The following PCDHGB4 variants were observed in gnomAD, a reference collection of about 807,000 sequenced individuals.
PCDHGB4 encodes the protein protocadherin gamma subfamily B, 4.
A neutral mutation model predicts 60.5 loss-of-function variants in PCDHGB4; 38 were observed. The observed-to-expected ratio is 0.63, with a 90% CI of 0.48 to 0.82. PCDHGB4 has a LOEUF of 0.82. Among genes scored for constraint, PCDHGB4 ranks in the 40% least tolerant of loss-of-function variants. The pLI, the probability that PCDHGB4 is intolerant of heterozygous loss-of-function variation, is 0.00. For missense variants in PCDHGB4, 1,109 were observed against 1,209.6 expected (o/e 0.92, Z 1.23); for synonymous variants, 456 against 509.7 (o/e 0.89, Z 1.42).
At chr5:141,501,016 G>A (rs1042009106) in intron 2 of PCDHGB4, among the ~76,000 whole-genome samples, 7 of 151,716 alleles carry the variant, frequency 4.6e-5, no homozygotes, top group Non-Finnish European at 1.0e-4. Context: ...CTACAGGCAC[G>A]CGCCACCACG....
rs767547572 is a variant in PCDHGB4 at position 141,505,495 on chromosome 5, G to C, written c.2545+14G>C. On this transcript the variant is annotated intron_variant, in intron 3 of 3. Coordinates refer to ENST00000519479, the MANE Select transcript of PCDHGB4 (RefSeq NM_003736.4). The stretch of plus-strand genomic sequence containing the variant: ...CGTCCGCCAGTGGTAAGTGGTGTCA[G>C]TGTGTGTATGGAAGAGTGGGAGACC... 5 of 1,614,210 alleles carry C rather than the reference G, an allele frequency of 3.1e-6. No individual in the cohort carries two copies. Among genetic ancestry groups the C allele is most frequent in the Non-Finnish European group, 4.2e-6 (5 of 1,180,000 alleles).
At chr5:141,423,367 G>A (rs1478466218) in intron 1 of PCDHGB4, 2 of 1,614,068 alleles carry the variant, frequency 1.2e-6, no homozygotes, top group Admixed American at 1.7e-5. Context: ...CGTGCTGCTG[G>A]CACTCAGGCT....
At chr5:141,501,333 A>C (rs200092587) in intron 2 of PCDHGB4, among the ~76,000 whole-genome samples, 397 of 140,104 alleles carry the variant, frequency 2.8e-3, no homozygotes, top group Non-Finnish European at 2.6e-3. Flanking sequence ...ACACACACAC[A>C]CCCCAAACTC....
chr5:141,474,499 C>T (rs1480109147), intron 1 of PCDHGB4, among the ~76,000 whole-genome samples: 1 of 152,198 alleles, frequency 6.6e-6, no homozygotes, highest in Non-Finnish European at 1.5e-5. Context: ...TCTTCTAATG[C>T]CTATCAGCCC....
chr5:141,407,924 C>T, intron 1 of PCDHGB4: 2 of 482,212 alleles, frequency 4.1e-6, no homozygotes, highest in Non-Finnish European at 3.6e-6. Flanking sequence ...CTGTCCCGCA[C>T]GGAGCCTCTG....
chr5:141,409,735 C>G lies in PCDHGB4; in HGVS notation c.2397+19454C>G, dbSNP rs763035733. Reference sequence around the variant, plus strand: ...CATACGTGTCAGTGAGCGCGCAGAGCGGGGTGGTGTTCGCGCAGCGCGCCT... The same window carrying G: ...CATACGTGTCAGTGAGCGCGCAGAGGGGGGTGGTGTTCGCGCAGCGCGCCT... On this transcript the variant is annotated intron_variant, in intron 1 of 3. Transcript: ENST00000519479. The G allele has an allele frequency of 3.7e-6, 6 of 1,613,006 alleles. No homozygotes were observed. The African/African-American group carries it at 8.0e-5, about 22-fold the overall frequency.
In PCDHGB4 at chr5:141,494,748, C is replaced by T. The variant is rs566281527; in HGVS notation, c.2398-59C>T. On this transcript the variant is annotated intron_variant, in intron 1 of 3. Coordinates refer to ENST00000519479, the MANE Select transcript of PCDHGB4 (RefSeq NM_003736.4). ...CTCTCCCGGCCCATCCCTAGGGGCTCGGGTGACATTCTAACTTCTCACGGG... is the reference window on the plus strand; with the variant it reads ...CTCTCCCGGCCCATCCCTAGGGGCTTGGGTGACATTCTAACTTCTCACGGG... 1.4e-5 allele frequency: 22 copies of T among 1,613,104 alleles called. No individual in the cohort carries two copies. The East Asian group carries it at 4.2e-4, about 31-fold the overall frequency.
intron 1 of PCDHGB4, among the ~76,000 whole-genome samples, chr5:141,457,628 C>T (rs1210673176): frequency 6.6e-6 from 1 of 152,244 alleles, no homozygotes; most frequent in Non-Finnish European, 1.5e-5. Context: ...TAATCTTATA[C>T]TTGGCCTGAT....
At chr5:141,408,557 G>A in intron 1 of PCDHGB4, 6 of 1,614,046 alleles carry the variant, frequency 3.7e-6, no homozygotes, top group Non-Finnish European at 5.1e-6. Flanking sequence ...TATTTTTCAT[G>A]TCATTGTGGT....
intron 1 of PCDHGB4, chr5:141,392,984 G>A: frequency 1.2e-6 from 2 of 1,613,914 alleles, no homozygotes; most frequent in Non-Finnish European, 1.7e-6. Context: ...TGGACCCCCG[G>A]AAGCTGGCGA....
chr5:141,408,863 C>T, intron 1 of PCDHGB4: 1 of 1,613,604 alleles, frequency 6.2e-7, no homozygotes, highest in Non-Finnish European at 8.5e-7. Context: ...AGGGGACCCA[C>T]CAAGAAGTGC....
In PCDHGB4 at chr5:141,432,361, G is replaced by A; in HGVS notation, c.2397+42080G>A. 1 of 1,614,230 alleles carries A rather than the reference G, an allele frequency of 6.2e-7. No individual in the cohort carries two copies. Among genetic ancestry groups the A allele is most frequent in the Non-Finnish European group, 8.5e-7 (1 of 1,180,050 alleles). On this transcript the variant is annotated intron_variant, in intron 1 of 3. Coordinates refer to ENST00000519479, the MANE Select transcript of PCDHGB4 (RefSeq NM_003736.4). The surrounding 1 kb of genome is among the most constrained non-coding windows in gnomAD (Gnocchi z 6.0). Reference sequence around the variant, plus strand: ...GAGACTTGCAAGTGAAAGTGATGGCGCGGGACAACGGGCACCCGCCCCTCA... The same window carrying A: ...GAGACTTGCAAGTGAAAGTGATGGCACGGGACAACGGGCACCCGCCCCTCA...
At chr5:141,422,420 C>A in intron 1 of PCDHGB4, 2 of 1,607,576 alleles carry the variant, frequency 1.2e-6, no homozygotes, top group Non-Finnish European at 1.7e-6. Context: ...TTAGAAAAGA[C>A]TTATGGAAAT....
At chr5:141,415,818 A>C in intron 1 of PCDHGB4, 11 of 1,325,038 alleles carry the variant, frequency 8.3e-6, no homozygotes, top group Non-Finnish European at 8.7e-6. Flanking sequence ...CCTATATATC[A>C]TAAGGCTTTG....
chr5:141,395,181 T>C (rs758854683), intron 1 of PCDHGB4: 3 of 1,614,030 alleles, frequency 1.9e-6, no homozygotes, highest in Non-Finnish European at 2.5e-6. Context: ...GAAAAATGAT[T>C]CTTTGTTAAC....
Position 141,431,587 on chromosome 5 carries a change from A to C in PCDHGB4, c.2397+41306A>C. On this transcript the variant is annotated intron_variant, in intron 1 of 3. Coordinates refer to ENST00000519479, the MANE Select transcript of PCDHGB4 (RefSeq NM_003736.4). This position sits in a 1 kb window ranked among gnomAD's most constrained non-coding sequence, Gnocchi z 4.8. ...ACCCTGACGAAGGAGTCAATGCGGA[A>C]GTGAGGTATTCCTTCCGGTATGTGG... The C allele has an allele frequency of 1.2e-6, 2 of 1,614,236 alleles. No homozygotes were observed. Among genetic ancestry groups the C allele is most frequent in the Non-Finnish European group, 1.7e-6 (2 of 1,180,036 alleles).
In PCDHGB4 at chr5:141,389,228, G is replaced by A. The variant is rs1172706843; in HGVS notation, c.1344G>A (p.Pro448=). The A allele has an allele frequency of 2.5e-6, 4 of 1,614,024 alleles. No homozygotes were observed. The highest frequency in any genetic ancestry group is 2.7e-5 in the African/African-American group (2 of 75,050). The part of the protein sequence containing the change: ...LHIGDVNDNA[P]VFSQSSYIVH... ...TTGGTGATGTAAATGACAACGCTCC[G>A]GTTTTCTCACAGTCTTCCTATATAG... The change falls in exon 1 of 4, where the codon CCG becomes CCA. Residue 448 remains proline, a synonymous_variant. Transcript: ENST00000519479.
intron 1 of PCDHGB4, chr5:141,478,227 G>A: frequency 6.2e-7 from 1 of 1,614,104 alleles, no homozygotes; most frequent in Non-Finnish European, 8.5e-7. Context: ...GTTTCTGTGG[G>A]GTTTGTGGTC....
At chr5:141,395,196 G>T (rs1431851304) in intron 1 of PCDHGB4, 1 of 1,613,948 alleles carries the variant, frequency 6.2e-7, no homozygotes, top group Non-Finnish European at 8.5e-7. Context: ...GTTAACATCC[G>T]TAGATTTTCA....
Sources: gnomAD v4.1 joint callset for allele counts (sites outside exome capture counted in the v4.1 genomes callset) on GRCh38, gnomAD v4.1.1 for gene constraint, Gnocchi (gnomAD v3.1) non-coding constraint, MANE v1.5 for transcripts, NCBI Gene and HGNC (gene_info 2026-07-23, HGNC 2026-07-21) for gene names.